PRPF40B: variants seen among roughly 807,000 people sequenced by gnomAD.
The protein encoded by PRPF40B is pre-mRNA processing factor 40B, also known as pre-mRNA-processing factor 40 homolog B.
In PRPF40B, 56 loss-of-function variants were observed where a neutral mutation model predicts 124.5. The observed-to-expected ratio is 0.45, with a 90% CI of 0.36 to 0.56. PRPF40B has a LOEUF of 0.56. Among genes scored for constraint, PRPF40B ranks in the 20% least tolerant of loss-of-function variants. The pLI is 0.00. For missense variants in PRPF40B, 1,053 were observed against 1,169.5 expected (o/e 0.90, Z 1.45); for synonymous variants, 443 against 426.4 (o/e 1.04, Z -0.48).
Position 49,642,498 on chromosome 12 carries a change from C to A in PRPF40B, c.2023-82C>A, listed in dbSNP as rs1194906862. The A allele has an allele frequency of 6.3e-7, 1 of 1,580,606 alleles. No individual in the cohort carries two copies. The highest frequency in any genetic ancestry group is 2.2e-5 in the East Asian group (1 of 44,460). ...TCCAGTTCCCTTCCTTTCTCTGCCC[C>A]AGCCCTGCCCTGTGCTCATGGCGGT... On this transcript the variant is annotated intron_variant, in intron 20 of 25. Coordinates refer to ENST00000548825, the MANE Select transcript of PRPF40B (RefSeq NM_001031698.3). The surrounding 1 kb of genome is among the most constrained non-coding windows in gnomAD (Gnocchi z 5.8).
At chr12:49,629,657 A>G (rs1421037020) in intron 1 of PRPF40B, among the ~76,000 whole-genome samples, 2 of 152,248 alleles carry the variant, frequency 1.3e-5, no homozygotes, top group African/African-American at 4.8e-5. Flanking sequence ...GGGAAAACAT[A>G]TCCAGGCAAA....
intron 1 of PRPF40B, among the ~76,000 whole-genome samples, chr12:49,625,517 C>G (rs1364363523): frequency 5.9e-5 from 9 of 152,090 alleles, no homozygotes; most frequent in Non-Finnish European, 1.3e-4. Context: ...TTTTTTCCTA[C>G]TGCCTCTCCA....
intron 15 of PRPF40B, among the ~76,000 whole-genome samples, 171 bp downstream of exon 15, chr12:49,636,164 T>C (rs550916392): frequency 1.2e-4 from 19 of 152,282 alleles, no homozygotes; most frequent in African/African-American, 3.6e-4. Context: ...GATACCAGAA[T>C]GTTTCAGGAC....
chr12:49,642,723 T>C lies in PRPF40B; in HGVS notation c.2118+48T>C, dbSNP rs1312781413. 1.3e-6 allele frequency: 2 copies of C among 1,575,436 alleles called. No homozygotes were observed. The highest frequency in any genetic ancestry group is 2.3e-5 in the South Asian group (2 of 87,554). On this transcript the variant is annotated intron_variant, in intron 21 of 25. Transcript: ENST00000548825. The surrounding 1 kb of genome is among the most constrained non-coding windows in gnomAD (Gnocchi z 5.8). ...ATCTGCCTCAGGCCCTTGAACTCAT[T>C]AGACCAGTTCAACAGAGACCTCAGT...
chr12:49,627,855 T>C (rs1034285331), intron 1 of PRPF40B, among the ~76,000 whole-genome samples: 1 of 152,144 alleles, frequency 6.6e-6, no homozygotes, highest in African/African-American at 2.4e-5. Context: ...GAGAAATGGA[T>C]AGATTCAAGA....
intron 1 of PRPF40B, among the ~76,000 whole-genome samples, chr12:49,627,710 G>A (rs1458485852): frequency 6.6e-6 from 1 of 152,178 alleles, no homozygotes; most frequent in African/African-American, 2.4e-5. Flanking sequence ...GGGGCTAACA[G>A]TCTGAGGTGC....
At chr12:49,636,505 C>T in intron 15 of PRPF40B, 1 of 553,748 alleles carries the variant, frequency 1.8e-6, no homozygotes, top group East Asian at 2.8e-5. Context: ...GAGCTGAATA[C>T]TTGCTTATTT....
In PRPF40B at chr12:49,642,111, T is replaced by C. The variant is rs979932292; in HGVS notation, c.1884+87T>C. 5 of 1,602,568 alleles carry C rather than the reference T, an allele frequency of 3.1e-6. No individual in the cohort carries two copies. The highest frequency in any genetic ancestry group is 4.3e-6 in the Non-Finnish European group (5 of 1,171,842). On this transcript the variant is annotated intron_variant, in intron 19 of 25. Transcript: ENST00000548825. This position sits in a 1 kb window ranked among gnomAD's most constrained non-coding sequence, Gnocchi z 5.8. ...CTCACTCACTGTCCCACTGACTATA[T>C]TCCCAATTCAGGGGATGGTGGTAGA...
Position 49,636,747 on chromosome 12 carries a change from T to G in PRPF40B, c.1458T>G (p.Phe486Leu), listed in dbSNP as rs749402466. 1 of 1,614,210 alleles carries G rather than the reference T, an allele frequency of 6.2e-7. No individual in the cohort carries two copies. ...ACAAGGAAGATGCACTGATCTGTTT[T>G]GAGGAGCACATCCGAGCTTTGGAGA... ...NMDKEDALICFEEHIRALERE... is the reference protein window; with the variant it reads ...NMDKEDALICLEEHIRALERE... Residue 486 changes from phenylalanine to leucine, a missense_variant, in exon 16 of 26, where the codon TTT becomes TTG. Coordinates refer to ENST00000548825, the MANE Select transcript of PRPF40B (RefSeq NM_001031698.3).
Position 49,644,267 on chromosome 12 carries a change from C to CT in PRPF40B, c.*77dup. 1.3e-6 allele frequency: 2 copies of CT among 1,525,922 alleles called. No homozygotes were observed. Among genetic ancestry groups the CT allele is most frequent in the Non-Finnish European group, 1.8e-6 (2 of 1,105,518 alleles). The allele number at this position is 1,525,922 out of a possible 1,614,324, so 94.5% of individuals were successfully genotyped here. The stretch of plus-strand genomic sequence containing the variant: ...GGCCACCCTCACCGTCTGCCTCAGA[C>CT]TTCTTCCTTAGTCTGGTCTGTGTCC... On this transcript the variant is annotated 3_prime_UTR_variant, in exon 26 of 26. Coordinates refer to ENST00000548825, the MANE Select transcript of PRPF40B (RefSeq NM_001031698.3).
intron 1 of PRPF40B, among the ~76,000 whole-genome samples, chr12:49,628,451 T>G (rs919224121): frequency 6.6e-6 from 1 of 152,110 alleles, no homozygotes; most frequent in African/African-American, 2.4e-5. Flanking sequence ...AGTAGAGGTT[T>G]CACCATGTTG....
Position 49,631,400 on chromosome 12 carries a change from G to C in PRPF40B, c.85-1G>C. 6.6e-7 allele frequency: 1 copy of C among 1,509,488 alleles called. No individual in the cohort carries two copies. The highest frequency in any genetic ancestry group is 8.8e-7 in the Non-Finnish European group (1 of 1,132,762). The allele number at this position is 1,509,488 out of a possible 1,614,324, so 93.5% of individuals were successfully genotyped here. On this transcript the variant is annotated splice_acceptor_variant, in intron 2 of 25. Coordinates refer to ENST00000548825, the MANE Select transcript of PRPF40B (RefSeq NM_001031698.3). LOFTEE classifies it high-confidence loss of function. The surrounding 1 kb of genome is among the most constrained non-coding windows in gnomAD (Gnocchi z 4.3). ...GTATCTCTTCCTTTACTCATTTCCA[G>C]ATGCCCCCTCCAGGGATCCCCCCAC...
rs370502272 is a variant in PRPF40B at position 49,634,108 on chromosome 12, C to G, written c.812+16C>G. ...GCCCCAGCAGGTGAGGGCTGCCCCC[C>G]ATGGCATTCCCAATGTTGGCCTCAG... On this transcript the variant is annotated intron_variant, in intron 10 of 25. Transcript: ENST00000548825. 6.2e-7 allele frequency: 1 copy of G among 1,607,638 alleles called. No homozygotes were observed. The highest frequency in any genetic ancestry group is 1.1e-5 in the South Asian group (1 of 90,586).
chr12:49,623,889 C>T (rs1401808914), intron 1 of PRPF40B: 3 of 1,173,944 alleles, frequency 2.6e-6, no homozygotes, highest in East Asian at 3.7e-5. Flanking sequence ...GGAGAAAGAT[C>T]GGGAAAGAAG....
intron 12 of PRPF40B, 126 bp from the exon 13 acceptor site, chr12:49,634,973 G>C (rs1941615957): frequency 3.0e-6 from 3 of 1,006,086 alleles, no homozygotes; most frequent in Non-Finnish European, 4.3e-6. Context: ...ATGGTGTTCA[G>C]ATCCCAGACA....
upstream of PRPF40B, among the ~76,000 whole-genome samples, chr12:49,622,915 C>T (rs1174784293): frequency 6.6e-6 from 1 of 152,232 alleles, no homozygotes; most frequent in Non-Finnish European, 1.5e-5. Context: ...ATGTACCTCA[C>T]ATTTTTAACT....
Position 49,634,616 on chromosome 12 carries a change from G to T in PRPF40B, c.1001+14G>T. On this transcript the variant is annotated intron_variant, in intron 12 of 25. Transcript: ENST00000548825. ...CCCCCGTTACAGGTAGGCCTGGGCAGAGGGAGCCAGGCCCTGTTCATGAGA... is the reference window on the plus strand; with the variant it reads ...CCCCCGTTACAGGTAGGCCTGGGCATAGGGAGCCAGGCCCTGTTCATGAGA... 1 of 1,614,062 alleles carries T rather than the reference G, an allele frequency of 6.2e-7. No individual in the cohort carries two copies. Among genetic ancestry groups the T allele is most frequent in the Non-Finnish European group, 8.5e-7 (1 of 1,179,942 alleles).
At chr12:49,628,640 C>T (rs530328279) in intron 1 of PRPF40B, among the ~76,000 whole-genome samples, 2 of 150,582 alleles carry the variant, frequency 1.3e-5, no homozygotes, top group African/African-American at 2.4e-5. Flanking sequence ...CGCCTCGGCT[C>T]ACTGCAAACT....
chr12:49,623,602 C>G lies in PRPF40B; in HGVS notation c.3+9C>G, dbSNP rs1023536741. 2 of 1,233,624 alleles carry G rather than the reference C, an allele frequency of 1.6e-6. No homozygotes were observed. The highest frequency in any genetic ancestry group is 3.1e-5 in the African/African-American group (2 of 64,208). 76.4% of individuals were successfully genotyped at this position (1,233,624 alleles called of 1,614,324 possible). ...TCGGAGGCTCTGGCATGGTAACATC[C>G]CCGCGCGGGGGTGGAGGGGCTCGGG... is the stretch of plus-strand genomic sequence containing the variant. On this transcript the variant is annotated intron_variant, in intron 1 of 25. Coordinates refer to ENST00000548825, the MANE Select transcript of PRPF40B (RefSeq NM_001031698.3).
Sources: allele counts gnomAD v4.1 joint callset (sites outside exome capture counted in the v4.1 genomes callset), GRCh38; gene constraint gnomAD v4.1.1; non-coding constraint Gnocchi (gnomAD v3.1); transcripts MANE v1.5; gene names NCBI Gene and HGNC (gene_info 2026-07-23, HGNC 2026-07-21).